DIAPH2: variants seen among roughly 807,000 people sequenced by gnomAD.
The protein encoded by DIAPH2 is diaphanous related formin 2, also known as protein diaphanous homolog 2.
A neutral mutation model predicts 92.7 loss-of-function variants in DIAPH2; 35 were observed. The ratio of observed to expected loss-of-function variants is 0.38; its 90% CI spans 0.29 to 0.50. DIAPH2 has a LOEUF of 0.50. DIAPH2 is among the 20% of genes least tolerant of loss of function. The pLI is 0.94. For missense variants in DIAPH2, 701 were observed against 819.5 expected (o/e 0.86, Z 1.77); for synonymous variants, 301 against 280.4 (o/e 1.07, Z -0.73).
At chrX:96,813,006 G>T (rs1331283339) in intron 4 of DIAPH2, among the ~76,000 whole-genome samples, 1 of 111,766 alleles carries the variant, frequency 8.9e-6, no homozygotes, top group Non-Finnish European at 1.9e-5. Context: ...TGTTGATTTG[G>T]GGTGGAGAGT....
intron 1 of DIAPH2, among the ~76,000 whole-genome samples, chrX:96,710,876 C>T (rs756164494): frequency 9.0e-6 from 1 of 111,153 alleles, no homozygotes; most frequent in Non-Finnish European, 1.9e-5. Flanking sequence ...TTCATTGCAT[C>T]ATTCTCATAC....
chrX:97,264,751 T>C (rs981684519), intron 23 of DIAPH2, among the ~76,000 whole-genome samples: 2 of 111,821 alleles, frequency 1.8e-5, no homozygotes, highest in Admixed American at 1.9e-4. Flanking sequence ...TTTGGGAGGC[T>C]GAGATGGGTG....
intron 1 of DIAPH2, among the ~76,000 whole-genome samples, chrX:96,715,724 G>A (rs1057134648): frequency 2.7e-5 from 3 of 111,357 alleles, no homozygotes; most frequent in African/African-American, 9.8e-5. Flanking sequence ...GTGATTAAGA[G>A]TGAGTCTTTT....
intron 22 of DIAPH2, among the ~76,000 whole-genome samples, chrX:97,230,871 A>C (rs981830806): frequency 2.7e-5 from 3 of 112,171 alleles, no homozygotes; most frequent in African/African-American, 9.7e-5. Context: ...TAATGACCCC[A>C]CCAGATCAGA....
At chrX:97,136,635 A>G (rs1415910169) in intron 21 of DIAPH2, among the ~76,000 whole-genome samples, 2 of 111,382 alleles carry the variant, frequency 1.8e-5, no homozygotes, top group African/African-American at 6.5e-5. Flanking sequence ...TTCATAGTGT[A>G]TTTTCACATA....
chrX:96,744,088 T>G (rs1038932948), intron 3 of DIAPH2, among the ~76,000 whole-genome samples: 1 of 112,271 alleles, frequency 8.9e-6, no homozygotes, highest in Admixed American at 9.4e-5. Context: ...ACTGAAAACT[T>G]TAAAGATTAT....
intron 17 of DIAPH2, among the ~76,000 whole-genome samples, chrX:96,978,348 ATAT>A (rs201359270): frequency 2.1e-3 from 231 of 110,129 alleles, no homozygotes; most frequent in African/African-American, 7.2e-3. Context: ...AGCCCCATTT[ATAT>A]TATTATTATT....
intron 26 of DIAPH2, among the ~76,000 whole-genome samples, chrX:97,510,038 T>G (rs1331711780): frequency 9.0e-6 from 1 of 111,301 alleles, no homozygotes; most frequent in Non-Finnish European, 1.9e-5. Context: ...ATGGGTTGGC[T>G]GGATCAAATG....
chrX:97,462,935 G>A (rs1346578291), intron 26 of DIAPH2, among the ~76,000 whole-genome samples: 1 of 111,493 alleles, frequency 9.0e-6, no homozygotes, highest in African/African-American at 3.3e-5. Flanking sequence ...TGTACAAAAA[G>A]TTAAGGTACT....
At chrX:97,002,368 ACTAT>A (rs1465214794) in intron 17 of DIAPH2, among the ~76,000 whole-genome samples, 2 of 111,143 alleles carry the variant, frequency 1.8e-5, no homozygotes, top group Admixed American at 9.6e-5. Flanking sequence ...GTATGATCAA[ACTAT>A]CTGAGTGCAA....
intron 26 of DIAPH2, among the ~76,000 whole-genome samples, chrX:97,464,094 G>A (rs1193094000): frequency 9.2e-6 from 1 of 108,911 alleles, no homozygotes. Flanking sequence ...CAACCTTGTG[G>A]ACATCCAAGG....
chrX:97,415,238 C>T, intron 25 of DIAPH2, among the ~76,000 whole-genome samples: 1 of 111,863 alleles, frequency 8.9e-6, no homozygotes. Flanking sequence ...AATAGGAACG[C>T]TTTTACATTG....
At chrX:97,144,447 C>T (rs982954221) in intron 22 of DIAPH2, among the ~76,000 whole-genome samples, 3 of 110,595 alleles carry the variant, frequency 2.7e-5, no homozygotes, top group Non-Finnish European at 5.7e-5. Context: ...GAAATATTCC[C>T]AACACAAAGA....
chrX:97,416,752 C>T (rs1352391867), intron 25 of DIAPH2, among the ~76,000 whole-genome samples: 4 of 112,300 alleles, frequency 3.6e-5, no homozygotes, highest in African/African-American at 9.7e-5. Flanking sequence ...TTCTTCTTTA[C>T]TTCTGCATAT....
At chrX:97,507,371 T>C (rs1302553029) in intron 26 of DIAPH2, among the ~76,000 whole-genome samples, 3 of 110,899 alleles carry the variant, frequency 2.7e-5, no homozygotes, top group Non-Finnish European at 5.7e-5. Flanking sequence ...TGTTGCATTT[T>C]TTAAATCTTT....
rs892007853 is a variant in DIAPH2 at position 97,400,611 on chromosome X, A to G, written c.3145+16567A>G. On this transcript the variant is annotated intron_variant, in intron 25 of 26. Coordinates refer to ENST00000324765, the MANE Select transcript of DIAPH2 (RefSeq NM_006729.5). ...TTAACTATAACCACCATGCTGTACA[A>G]TCAGTCTCCAGAACTTATTCATCCT... Among the ~76,000 whole-genome samples, 4 of 111,579 alleles carry G rather than the reference A, an allele frequency of 3.6e-5. No individual in the cohort carries two copies. In the Admixed American group the frequency reaches 3.8e-4, roughly 11 times the overall value.
At chrX:96,797,399 T>G in intron 4 of DIAPH2, among the ~76,000 whole-genome samples, 1 of 111,931 alleles carries the variant, frequency 8.9e-6, no homozygotes, top group Non-Finnish European at 1.9e-5. Context: ...GAGAATCGCT[T>G]GAACTCGGGA....
chrX:97,324,704 C>T (rs894081252), intron 23 of DIAPH2, among the ~76,000 whole-genome samples: 4 of 111,990 alleles, frequency 3.6e-5, no homozygotes, highest in African/African-American at 1.3e-4. Context: ...AGGAAAACAC[C>T]ACAGGTCAGC....
chrX:97,202,229 T>C (rs544698560), intron 22 of DIAPH2, among the ~76,000 whole-genome samples: 1 of 111,704 alleles, frequency 9.0e-6, no homozygotes, highest in Admixed American at 9.5e-5. Context: ...TAAAGACCAA[T>C]GACACTATGA....
Sources: allele counts gnomAD v4.1 joint callset (sites outside exome capture counted in the v4.1 genomes callset), GRCh38; gene constraint gnomAD v4.1.1; transcripts MANE v1.5; gene names NCBI Gene and HGNC (gene_info 2026-07-23, HGNC 2026-07-21).